The following MKRN2OS variants were observed in gnomAD, a reference collection of about 807,000 sequenced individuals.
MKRN2OS encodes the protein MKRN2 opposite strand.
A neutral mutation model predicts 18.2 loss-of-function variants in MKRN2OS; 17 were observed. The ratio of observed to expected loss-of-function variants is 0.93; its 90% confidence interval spans 0.64 to 1.40. The LOEUF (loss-of-function observed/expected upper bound fraction) is 1.40. MKRN2OS is among the 40% of genes most tolerant of loss of function. The probability of loss-of-function intolerance (pLI) is 0.00; values close to 1 mark genes in which losing one functional copy is unlikely to be tolerated. For synonymous variants in MKRN2OS, 121 were observed against 108.5 expected (o/e 1.12, Z -0.72); for missense variants, 337 against 283.0 (o/e 1.19, Z -1.37).
chr3:12,550,145 G>A (rs1482880943), upstream of MKRN2OS, among the ~76,000 whole-genome samples: 3 of 152,138 alleles, frequency 2.0e-5, no homozygotes, highest in African/African-American at 7.2e-5. Flanking sequence ...GCACATAGAC[G>A]TTTACAGCAG....
At chr3:12,549,134 A>G (rs1328322599), upstream of MKRN2OS, among the ~76,000 whole-genome samples, 1 of 151,948 alleles carries the variant, frequency 6.6e-6, no homozygotes, top group African/African-American at 2.4e-5. Flanking sequence ...TGGGGTTTCT[A>G]TATTCTAATA....
At chr3:12,543,297 T>G in intron 1 of MKRN2OS, 68 bp from the exon 2 acceptor site, 1 of 1,341,726 alleles carries the variant, frequency 7.5e-7, no homozygotes, top group Non-Finnish European at 1.0e-6. Context: ...GCATTTAAAG[T>G]AGGAGGATGC....
downstream of MKRN2OS, among the ~76,000 whole-genome samples, chr3:12,553,092 A>G (rs1358068042): frequency 6.6e-6 from 1 of 151,918 alleles, no homozygotes; most frequent in Admixed American, 6.6e-5. Flanking sequence ...AAATTCTTCC[A>G]GATGTTTAAG....
At chr3:12,556,393 T>C (rs113462615) in intron 1 of MKRN2OS, among the ~76,000 whole-genome samples, 5,551 of 150,888 alleles carry the variant, frequency 0.037, 149 homozygotes, top group Non-Finnish European at 0.056. Context: ...AAAAAAAAGG[T>C]ATCGCATGGT....
chr3:12,546,169 TG>T (rs1250947734), upstream of MKRN2OS, among the ~76,000 whole-genome samples: 1 of 152,248 alleles, frequency 6.6e-6, no homozygotes, highest in Non-Finnish European at 1.5e-5. Flanking sequence ...CCTTTACTTT[TG>T]TGTTCCCAGA....
intron 3 of MKRN2OS, among the ~76,000 whole-genome samples, chr3:12,541,428 A>T (rs189382416): frequency 6.6e-5 from 10 of 152,266 alleles, no homozygotes; most frequent in African/African-American, 2.4e-4. Context: ...CATGTTGTCC[A>T]GGCTGGTCTC....
chr3:12,556,798 C>G (rs2057975032), intron 1 of MKRN2OS, among the ~76,000 whole-genome samples: 1 of 152,034 alleles, frequency 6.6e-6, no homozygotes, highest in Non-Finnish European at 1.5e-5. Context: ...GGCGGGAGAT[C>G]CCTAAGGAAT....
At chr3:12,548,803 AT>A (rs959777265), upstream of MKRN2OS, among the ~76,000 whole-genome samples, 1 of 151,942 alleles carries the variant, frequency 6.6e-6, no homozygotes, top group Non-Finnish European at 1.5e-5. Flanking sequence ...ATATACCAGC[AT>A]TTTTTTTCAA....
chr3:12,553,315 ATGGCCATGTGGGGTTTATCC>A (rs2057943189), downstream of MKRN2OS, among the ~76,000 whole-genome samples: 1 of 152,188 alleles, frequency 6.6e-6, no homozygotes, highest in Non-Finnish European at 1.5e-5. Context: ...AAAATATATC[ATGGCCATGTGGGGTTTATCC>A]TGAGCAATTG....
At chr3:12,547,771 G>T (rs76550376), upstream of MKRN2OS, among the ~76,000 whole-genome samples, 11,413 of 152,148 alleles carry the variant, frequency 0.075, 483 homozygotes, top group Non-Finnish European at 0.088. Context: ...GTCATGGCAG[G>T]TAAAGGCACT....
chr3:12,554,348 TC>T (rs57225798), intron 1 of MKRN2OS, among the ~76,000 whole-genome samples: 22,539 of 151,994 alleles, frequency 0.15, 1,819 homozygotes, highest in Admixed American at 0.22. Flanking sequence ...ACTGCTTGCA[TC>T]CTTCGGGAAA....
upstream of MKRN2OS, among the ~76,000 whole-genome samples, chr3:12,549,998 T>C (rs1472364420): frequency 6.6e-6 from 1 of 152,202 alleles, no homozygotes; most frequent in Non-Finnish European, 1.5e-5. Flanking sequence ...CTGGTGGGAA[T>C]GCAAAATGGT....
chr3:12,552,161 T>TA (rs1426014317), downstream of MKRN2OS, among the ~76,000 whole-genome samples: 2 of 151,060 alleles, frequency 1.3e-5, no homozygotes, highest in Non-Finnish European at 3.0e-5. Context: ...CTACTAAAAA[T>TA]ACAAAAAATT....
chr3:12,558,888 C>G (rs1302502210), intron 1 of MKRN2OS, among the ~76,000 whole-genome samples: 1 of 152,124 alleles, frequency 6.6e-6, no homozygotes, highest in South Asian at 2.1e-4. Flanking sequence ...GTGTATAATC[C>G]AGCAACCAGC....
Position 12,539,871 on chromosome 3 carries a change from C to T in MKRN2OS, c.*322G>A, listed in dbSNP as rs1358589277. 7.8e-5 allele frequency: 24 copies of T among 306,864 alleles called. No individual in the cohort carries two copies. Among genetic ancestry groups the T allele is most frequent in the South Asian group, 1.9e-4 (5 of 25,956 alleles). 19.0% of individuals were successfully genotyped at this position (306,864 alleles called of 1,614,324 possible). ...CACGATCTCAACTCATCCCAACCTC[C>T]GCCTCCCGGGTTCAAGCGATTCTCC... On this transcript the variant is annotated 3_prime_UTR_variant, in exon 4 of 4. Coordinates refer to ENST00000564146, the MANE Select transcript of MKRN2OS (RefSeq NM_001195279.2).
intron 1 of MKRN2OS, chr3:12,560,708 G>C (rs1180979896): frequency 6.6e-6 from 1 of 152,186 alleles, no homozygotes; most frequent in Non-Finnish European, 1.5e-5. Flanking sequence ...AGTCTTTTGG[G>C]TTTACCCAGG....
intron 2 of MKRN2OS, among the ~76,000 whole-genome samples, chr3:12,542,318 C>T (rs1288857563): frequency 6.6e-6 from 1 of 152,100 alleles, no homozygotes; most frequent in Non-Finnish European, 1.5e-5. Flanking sequence ...ATGATAGGCA[C>T]CAGGATCATC....
chr3:12,549,139 C>T (rs1311907462), upstream of MKRN2OS, among the ~76,000 whole-genome samples: 2 of 152,042 alleles, frequency 1.3e-5, no homozygotes, highest in Non-Finnish European at 2.9e-5. Context: ...TTTCTATATT[C>T]TAATAGAGTT....
At chr3:12,550,463 G>A (rs2057921611), upstream of MKRN2OS, among the ~76,000 whole-genome samples, 1 of 152,098 alleles carries the variant, frequency 6.6e-6, no homozygotes, top group Admixed American at 6.6e-5. Flanking sequence ...GAATTTTTAG[G>A]GCGGTGAAAC....
Sources: allele counts gnomAD v4.1 joint callset (sites outside exome capture counted in the v4.1 genomes callset), GRCh38; gene constraint gnomAD v4.1.1; transcripts MANE v1.5; gene names NCBI Gene and HGNC (gene_info 2026-07-23, HGNC 2026-07-21).